The following TENT2 variants were observed in gnomAD, a reference collection of about 807,000 sequenced individuals.
TENT2 encodes the protein terminal nucleotidyltransferase 2.
Under a neutral mutation model 72.2 loss-of-function variants are expected in TENT2, and 44 were observed. The observed-to-expected ratio is 0.61, with a 90% CI of 0.48 to 0.78. The LOEUF is 0.78. Ranked by LOEUF, TENT2 falls within the 30% of genes least tolerant of loss-of-function variation. The pLI, the probability that TENT2 is intolerant of heterozygous loss-of-function variation, is 0.00. For synonymous variants in TENT2, 212 were observed against 192.5 expected, an observed-to-expected ratio of 1.10 and a Z score of -0.84; for missense variants, 541 against 569.6, an observed-to-expected ratio of 0.95 and a Z score of 0.51.
chr5:79,655,141 A>G (rs1163697937), intron 10 of TENT2, among the ~76,000 whole-genome samples: 1 of 152,166 alleles, frequency 6.6e-6, no homozygotes. Flanking sequence ...AGTAAGATAA[A>G]CATTTTAAAA....
intron 4 of TENT2, among the ~76,000 whole-genome samples, chr5:79,624,347 A>G (rs202242737): frequency 2.0e-5 from 3 of 152,232 alleles, no homozygotes; most frequent in East Asian, 1.9e-4. Flanking sequence ...ATGTTGGGTC[A>G]GAAAAGCAAC....
intron 13 of TENT2, among the ~76,000 whole-genome samples, chr5:79,680,556 T>G (rs1325396724): frequency 6.6e-6 from 1 of 152,184 alleles, no homozygotes; most frequent in African/African-American, 2.4e-5. Context: ...AAGAGGAGTA[T>G]TTAAAATTAT....
intron 4 of TENT2, among the ~76,000 whole-genome samples, chr5:79,631,351 A>G (rs752520059): frequency 4.6e-5 from 7 of 152,204 alleles, no homozygotes; most frequent in Non-Finnish European, 1.0e-4. Flanking sequence ...GAAGATTTAT[A>G]TGTGTGCTTA....
At chr5:79,648,934 G>T (rs935701087) in intron 9 of TENT2, 128 bp from the exon 10 acceptor site, 128 of 1,100,660 alleles carry the variant, frequency 1.2e-4, no homozygotes, top group Non-Finnish European at 1.5e-4. Context: ...GACACAAAGT[G>T]AACAGACACA....
chr5:79,615,380 A>G (rs879722019), intron 1 of TENT2, among the ~76,000 whole-genome samples: 5 of 152,218 alleles, frequency 3.3e-5, no homozygotes, highest in Non-Finnish European at 4.4e-5. Context: ...GGTATAAACA[A>G]AAGTATCTAG....
chr5:79,617,537 C>A (rs1761259033), intron 1 of TENT2: 1 of 152,148 alleles, frequency 6.6e-6, no homozygotes, highest in Non-Finnish European at 1.5e-5. Context: ...TAGATATCTT[C>A]TTGAAGCCCT....
At chr5:79,622,860 G>T (rs1308918155) in intron 3 of TENT2, among the ~76,000 whole-genome samples, 2 of 152,094 alleles carry the variant, frequency 1.3e-5, no homozygotes, top group African/African-American at 4.8e-5. Context: ...TATTCAAAGA[G>T]CCCTTTTTTA....
intron 4 of TENT2, among the ~76,000 whole-genome samples, chr5:79,630,817 G>GT (rs34597540): frequency 0.22 from 30,479 of 138,980 alleles, 4,972 homozygotes; most frequent in African/African-American, 0.47. Flanking sequence ...ACCTATTCAG[G>GT]TTTTTTTTTT....
chr5:79,656,969 C>G lies in TENT2; in HGVS notation c.1039C>G (p.Pro347Ala). Reference sequence around the variant, plus strand: ...TTTTCTTTTTATAGCCCTACCTGAACCCATCCTTCCATCCCTCCAAAAAAT... The same window carrying G: ...TTTTCTTTTTATAGCCCTACCTGAAGCCATCCTTCCATCCCTCCAAAAAAT... ...VLHYLQTLPEPILPSLQKIYP... is the reference protein window; with the variant it reads ...VLHYLQTLPEAILPSLQKIYP... Residue 347 changes from proline to alanine, a missense_variant, in exon 11 of 15, where the codon CCC (proline) becomes GCC (alanine). Transcript: ENST00000453514. 3 of 1,605,282 alleles carry G rather than the reference C, an allele frequency of 1.9e-6. No individual in the cohort carries two copies. The highest frequency in any genetic ancestry group is 2.6e-6 in the Non-Finnish European group (3 of 1,173,674).
At chr5:79,666,017 T>C (rs563052254) in intron 11 of TENT2, among the ~76,000 whole-genome samples, 2 of 151,442 alleles carry the variant, frequency 1.3e-5, no homozygotes. Flanking sequence ...GGAGTTTTGC[T>C]CTGTTACCCA....
At chr5:79,665,096 G>A (rs1806377086) in intron 11 of TENT2, among the ~76,000 whole-genome samples, 1 of 152,146 alleles carries the variant, frequency 6.6e-6, no homozygotes, top group Non-Finnish European at 1.5e-5. Context: ...TGACCTACCT[G>A]CGTGCAATTC....
At chr5:79,683,385 C>G (rs1823726517) in intron 14 of TENT2, among the ~76,000 whole-genome samples, 1 of 151,904 alleles carries the variant, frequency 6.6e-6, no homozygotes, top group Admixed American at 6.6e-5. Context: ...TGGTATGCAC[C>G]TGTGTCTTAG....
At chr5:79,675,332 T>C (rs1816384019) in intron 12 of TENT2, among the ~76,000 whole-genome samples, 1 of 152,216 alleles carries the variant, frequency 6.6e-6, no homozygotes, top group South Asian at 2.1e-4. Flanking sequence ...TGTAGCTGAA[T>C]CAGTGTGGTT....
chr5:79,669,142 G>A (rs1180908011), intron 12 of TENT2, 114 bp downstream of exon 12: 1 of 1,273,824 alleles, frequency 7.9e-7, no homozygotes, highest in Non-Finnish European at 1.1e-6. Flanking sequence ...CAGGAGCTGT[G>A]TTTGTCACTT....
chr5:79,623,834 A>G (rs1296518783), intron 4 of TENT2, among the ~76,000 whole-genome samples: 1 of 152,060 alleles, frequency 6.6e-6, no homozygotes, highest in African/African-American at 2.4e-5. Flanking sequence ...AACACATTTT[A>G]TTATGGGATA....
chr5:79,664,531 G>A (rs1369311899), intron 11 of TENT2, among the ~76,000 whole-genome samples: 1 of 150,882 alleles, frequency 6.6e-6, no homozygotes, highest in Non-Finnish European at 1.5e-5. Context: ...GGAGGCGGAG[G>A]TTGCAGTAAG....
rs1825916215 is a variant in TENT2 at position 79,686,000 on chromosome 5, T to C, written c.*727T>C. The C allele has an allele frequency of 6.6e-6, 1 of 152,624 alleles. No homozygotes were observed. Among genetic ancestry groups the C allele is most frequent in the South Asian group, 2.1e-4 (1 of 4,832 alleles). The allele number at this position is 152,624 out of a possible 1,614,324, so 9.5% of individuals were successfully genotyped here. On this transcript the variant is annotated 3_prime_UTR_variant, in exon 15 of 15. Coordinates refer to ENST00000453514, the MANE Select transcript of TENT2 (RefSeq NM_001114394.3). ...GAATCGTTTTAAAGAATCAGTTCAG[T>C]GTAGACATTTTGAAAAGATTGTTTC... is the stretch of plus-strand genomic sequence containing the variant.
At position 79,659,567 on chromosome 5, in the gene TENT2, T is replaced by A. The variant is rs1282636612; in HGVS notation, c.1071+2566T>A. 1.8e-3 allele frequency among the ~76,000 whole-genome samples: 146 copies of A among 79,142 alleles called. 16 individuals carry two copies. Among genetic ancestry groups the A allele is most frequent in the African/African-American group, 9.9e-3 (132 of 13,384 alleles). 51.9% of individuals were successfully genotyped at this position (79,142 alleles called of 152,430 possible). On this transcript the variant is annotated intron_variant, in intron 11 of 14. Transcript: ENST00000453514. ...AAAAAAAAAAAAATGTATATATATATATATATATATATATATATATATATA... is the reference window on the plus strand; with the variant it reads ...AAAAAAAAAAAAATGTATATATATAAATATATATATATATATATATATATA...
At chr5:79,670,030 A>AC (rs1811693737) in intron 12 of TENT2, among the ~76,000 whole-genome samples, 1 of 151,782 alleles carries the variant, frequency 6.6e-6, no homozygotes, top group Non-Finnish European at 1.5e-5. Context: ...GACCAGCCAG[A>AC]CCAACACGGA....
Sources: gnomAD v4.1 joint callset for allele counts (sites outside exome capture counted in the v4.1 genomes callset) on GRCh38, gnomAD v4.1.1 for gene constraint, MANE v1.5 for transcripts, NCBI Gene and HGNC (gene_info 2026-07-23, HGNC 2026-07-21) for gene names.